PHF2: variants seen among roughly 807,000 people sequenced by gnomAD.
PHF2 encodes the protein PHD finger protein 2.
A neutral mutation model predicts 120.5 loss-of-function variants in PHF2; 27 were observed. That is an observed-to-expected ratio of 0.22 (90% CI 0.17 to 0.31). The LOEUF is 0.31. PHF2 is among the 10% of genes least tolerant of loss of function. The pLI, the probability that PHF2 is intolerant of heterozygous loss-of-function variation, is 1.00. For missense variants in PHF2, 1,024 were observed against 1,434.8 expected (o/e 0.71, Z 4.63); for synonymous variants, 568 against 592.5 (o/e 0.96, Z 0.60).
intron 1 of PHF2, among the ~76,000 whole-genome samples, chr9:93,601,292 G>A (rs1490020100): frequency 1.3e-5 from 2 of 152,128 alleles, no homozygotes; most frequent in Admixed American, 1.3e-4. Flanking sequence ...GCCTCTTGAG[G>A]GCCCCCAGTG....
chr9:93,615,524 T>C (rs1334216364), intron 1 of PHF2, among the ~76,000 whole-genome samples: 1 of 152,224 alleles, frequency 6.6e-6, no homozygotes, highest in African/African-American at 2.4e-5. Context: ...ACTGACCTTC[T>C]ACTAGATATG....
chr9:93,577,081 C>T (rs1862834841), intron 1 of PHF2, among the ~76,000 whole-genome samples: 1 of 147,106 alleles, frequency 6.8e-6, no homozygotes. Context: ...GCACGGGGCC[C>T]GCGCTGGGCG....
chr9:93,677,537 T>G lies in PHF2; in HGVS notation c.3203-51T>G. 1 of 1,418,040 alleles carries G rather than the reference T, an allele frequency of 7.1e-7. No homozygotes were observed. Among genetic ancestry groups the G allele is most frequent in the Non-Finnish European group, 9.9e-7 (1 of 1,005,070 alleles). The allele number at this position is 1,418,040 out of a possible 1,614,324, so 87.8% of individuals were successfully genotyped here. On this transcript the variant is annotated intron_variant, in intron 21 of 21. Transcript: ENST00000359246. This position sits in a 1 kb window ranked among gnomAD's most constrained non-coding sequence, Gnocchi z 4.4. ...CCCCCCCACCGGCATGCCACGCCCC[T>G]TGCCATCTAGCTTACCTTCCCTTTT...
intron 1 of PHF2, among the ~76,000 whole-genome samples, chr9:93,597,130 C>T (rs1413473727): frequency 9.2e-5 from 14 of 152,044 alleles, no homozygotes; most frequent in South Asian, 2.1e-4. Flanking sequence ...GGGGTTTCAC[C>T]GTGTTAGCCA....
chr9:93,628,889 A>G (rs1587691976), intron 1 of PHF2, among the ~76,000 whole-genome samples: 1 of 151,950 alleles, frequency 6.6e-6, no homozygotes, highest in African/African-American at 2.4e-5. Context: ...ACAGATGCCC[A>G]TTCTCACGTC....
intron 2 of PHF2, among the ~76,000 whole-genome samples, chr9:93,635,336 C>T (rs1826072545): frequency 6.6e-6 from 1 of 152,118 alleles, no homozygotes; most frequent in African/African-American, 2.4e-5. Flanking sequence ...GAGGATGACA[C>T]ATGGCCTTCT....
In PHF2 at chr9:93,677,239, G is replaced by C. The variant is rs1248186109; in HGVS notation, c.3202+276G>C. 6.6e-6 allele frequency among the ~76,000 whole-genome samples: 1 copy of C among 151,538 alleles called. No homozygotes were observed. The highest frequency in any genetic ancestry group is 2.4e-5 in the African/African-American group (1 of 41,260). On this transcript the variant is annotated intron_variant, in intron 21 of 21. Transcript: ENST00000359246. The surrounding 1 kb of genome is among the most constrained non-coding windows in gnomAD (Gnocchi z 4.4). Reference sequence around the variant, plus strand: ...CCCAGCCGTGGGGCCGGCCAGCTGTGGGGACTGAGTGATGCAGCACGGGGT... The same window carrying C: ...CCCAGCCGTGGGGCCGGCCAGCTGTCGGGACTGAGTGATGCAGCACGGGGT...
Position 93,676,823 on chromosome 9 carries a change from T to G in PHF2, c.3062T>G (p.Leu1021Arg), listed in dbSNP as rs767186892. Residue 1021 changes from leucine (L) to arginine (R), a missense_variant, in exon 21 of 22, where the codon CTG becomes CGG. Physicochemically the swap from Leu to Arg is moderately radical, Grantham distance 102. This residue lies in a region of PHF2 where 677 missense variants were observed against 857.4 expected (regional missense o/e 0.79). Transcript: ENST00000359246. ...CCGCCTGAGTCGCATAGCAGCAGCC[T>G]GGCGGACCATGAGTACACAGCCGCT... ...EPPPESHSSS[L>R]ADHEYTAAGT... The G allele has an allele frequency of 1.9e-6, 3 of 1,556,652 alleles. No homozygotes were observed. In the East Asian group the frequency reaches 7.2e-5, roughly 37 times the overall value.
chr9:93,577,524 G>A (rs1394816975), intron 1 of PHF2, among the ~76,000 whole-genome samples: 1 of 152,148 alleles, frequency 6.6e-6, no homozygotes, highest in African/African-American at 2.4e-5. Context: ...GCTAGACCCG[G>A]CAGGCCTGCA....
At chr9:93,663,914 C>T (rs1350762166) in intron 14 of PHF2, among the ~76,000 whole-genome samples, 4 of 152,238 alleles carry the variant, frequency 2.6e-5, no homozygotes, top group Admixed American at 1.3e-4. Context: ...GTTCCTGGCA[C>T]GTCTTCATCA....
chr9:93,671,545 TGTG>T (rs1826792205), intron 17 of PHF2, among the ~76,000 whole-genome samples: 1 of 126,766 alleles, frequency 7.9e-6, no homozygotes, highest in South Asian at 2.7e-4. Flanking sequence ...TAGATGCAGA[TGTG>T]GGTGTGGGAG....
intron 1 of PHF2, among the ~76,000 whole-genome samples, chr9:93,619,665 G>A (rs1825792496): frequency 2.6e-5 from 4 of 152,094 alleles, no homozygotes; most frequent in Admixed American, 2.6e-4. Context: ...ACCTGCTGGT[G>A]GCACCCCGTG....
intron 1 of PHF2, among the ~76,000 whole-genome samples, chr9:93,623,860 G>A (rs1221350594): frequency 6.6e-6 from 1 of 152,186 alleles, no homozygotes; most frequent in Non-Finnish European, 1.5e-5. Flanking sequence ...TCAAGACTGT[G>A]GTGGCTGTGG....
intron 13 of PHF2, 76 bp from the exon 14 acceptor site, chr9:93,663,441 C>T (rs973893854): frequency 2.3e-6 from 2 of 887,766 alleles, no homozygotes; most frequent in African/African-American, 3.4e-5. Context: ...GCTGCCTCTT[C>T]TCACTGACAC....
rs765726742 is a variant in PHF2, at chr9:93,660,466, G to A, written c.1604G>A (p.Arg535Gln). 1.1e-4 allele frequency: 159 copies of A among 1,460,062 alleles called. No homozygotes were observed. Among genetic ancestry groups the A allele is most frequent in the Non-Finnish European group, 1.4e-4 (151 of 1,091,918 alleles). 90.4% of individuals were successfully genotyped at this position (1,460,062 alleles called of 1,614,324 possible). ...DGGKKKGKKS[R>Q]ESASPTIPNL... ...GGCAAGAAGAAAGGGAAGAAGTCCC[G>A]GGAGTCAGCCTCACCCACCATCCCC... Residue 535 changes from arginine (R) to glutamine (Q), a missense_variant, in exon 12 of 22, where the codon CGG becomes CAG. Physicochemically the swap from Arg to Gln is conservative, Grantham distance 43. This residue lies in a region of PHF2 where 677 missense variants were observed against 857.4 expected (regional missense o/e 0.79). Transcript: ENST00000359246.
intron 1 of PHF2, among the ~76,000 whole-genome samples, chr9:93,616,004 G>A (rs1000515430): frequency 2.5e-4 from 38 of 152,202 alleles, no homozygotes; most frequent in African/African-American, 8.9e-4. Context: ...TTAGGAAACC[G>A]CAGGAAAGTA....
At position 93,675,839 on chromosome 9, in the gene PHF2, A is replaced by G. The variant is rs778729156; in HGVS notation, c.2832+50A>G. On this transcript the variant is annotated intron_variant, in intron 20 of 21. Coordinates refer to ENST00000359246, the MANE Select transcript of PHF2 (RefSeq NM_005392.4). The stretch of plus-strand genomic sequence containing the variant: ...CGGCAGCCAGGTCCCTGCTACCCCC[A>G]CCTGGTGGGCTCAGGTTCCCCAAGG... The G allele has an allele frequency of 5.6e-6, 8 of 1,434,082 alleles. No individual in the cohort carries two copies. In the East Asian group the frequency reaches 1.8e-4, roughly 33 times the overall value. The allele number at this position is 1,434,082 out of a possible 1,614,324, so 88.8% of individuals were successfully genotyped here.
intron 1 of PHF2, among the ~76,000 whole-genome samples, chr9:93,616,169 T>C (rs577259954): frequency 6.6e-6 from 1 of 152,298 alleles, no homozygotes; most frequent in Admixed American, 6.5e-5. Context: ...CATCATGCCC[T>C]GGTTACCTGA....
intron 10 of PHF2, 30 bp from the exon 11 acceptor site, chr9:93,659,481 G>T (rs759357196): frequency 1.3e-6 from 2 of 1,597,222 alleles, no homozygotes; most frequent in Non-Finnish European, 1.7e-6. Context: ...GAGGTGTCTG[G>T]TGCTGACCCT....
Sources: allele counts gnomAD v4.1 joint callset (sites outside exome capture counted in the v4.1 genomes callset), GRCh38; gene constraint gnomAD v4.1.1; regional missense constraint gnomAD v4.1.1; non-coding constraint Gnocchi (gnomAD v3.1); transcripts MANE v1.5; gene names NCBI Gene and HGNC (gene_info 2026-07-23, HGNC 2026-07-21).